LNX1: variants seen among roughly 807,000 people sequenced by gnomAD.
LNX1 encodes the protein E3 ubiquitin-protein ligase LNX.
In LNX1, 54 loss-of-function variants were observed where a neutral mutation model predicts 68.4. The observed-to-expected ratio is 0.79, with a 90% CI of 0.63 to 0.99. LNX1 has a LOEUF of 0.99. Ranked by LOEUF, LNX1 falls within the 50% of genes least tolerant of loss-of-function variation. The pLI is 0.00. For synonymous variants in LNX1, 336 were observed against 350.0 expected, an observed-to-expected ratio of 0.96 and a Z score of 0.45; for missense variants, 906 against 926.4, an observed-to-expected ratio of 0.98 and a Z score of 0.29.
chr4:53,543,846 C>T (rs903314223), intron 2 of LNX1, among the ~76,000 whole-genome samples: 1 of 152,072 alleles, frequency 6.6e-6, no homozygotes, highest in African/African-American at 2.4e-5. Flanking sequence ...AAACAAATCT[C>T]CATGATGCTT....
chr4:53,561,156 T>C (rs1730259619), intron 2 of LNX1, among the ~76,000 whole-genome samples: 1 of 152,216 alleles, frequency 6.6e-6, no homozygotes, highest in African/African-American at 2.4e-5. Flanking sequence ...TATTATGAGA[T>C]GCTTAGTCTG....
At chr4:53,592,625 C>A (rs1364321530), upstream of LNX1, among the ~76,000 whole-genome samples, 1 of 152,180 alleles carries the variant, frequency 6.6e-6, no homozygotes, top group African/African-American at 2.4e-5. Context: ...GTTGACATTC[C>A]TATTTTCCTC....
chr4:53,576,748 C>T (rs1349657702), intron 1 of LNX1, among the ~76,000 whole-genome samples: 3 of 152,152 alleles, frequency 2.0e-5, no homozygotes, highest in Non-Finnish European at 2.9e-5. Context: ...TAAAGACACA[C>T]GAATAACCTA....
upstream of LNX1, among the ~76,000 whole-genome samples, chr4:53,619,416 T>G (rs746905166): frequency 2.6e-5 from 4 of 152,222 alleles, no homozygotes; most frequent in African/African-American, 4.8e-5. Context: ...ATTTGCCTAT[T>G]TTGGACATTT....
chr4:53,577,100 T>G (rs1243940995), intron 1 of LNX1, among the ~76,000 whole-genome samples: 1 of 152,218 alleles, frequency 6.6e-6, no homozygotes, highest in Non-Finnish European at 1.5e-5. Context: ...AATCTGTATC[T>G]ATGCAGCTGC....
intron 2 of LNX1, among the ~76,000 whole-genome samples, chr4:53,567,064 C>A (rs1730749120): frequency 6.7e-6 from 1 of 148,222 alleles, no homozygotes; most frequent in Admixed American, 6.7e-5. Context: ...TAACACCCCA[C>A]TGTCAACATT....
chr4:53,487,942 C>T (rs1168349031), intron 6 of LNX1, among the ~76,000 whole-genome samples: 1 of 152,120 alleles, frequency 6.6e-6, no homozygotes, highest in Non-Finnish European at 1.5e-5. Context: ...TCTGTGGTTG[C>T]CCCATTTTAG....
intron 1 of LNX1, among the ~76,000 whole-genome samples, chr4:53,630,965 G>C (rs1734245852): frequency 6.6e-6 from 1 of 152,242 alleles, no homozygotes; most frequent in African/African-American, 2.4e-5. Context: ...GGGCTTACCT[G>C]GTTGCAGAGG....
chr4:53,616,971 T>C (rs111254217), intron 1 of LNX1, among the ~76,000 whole-genome samples: 2,889 of 152,268 alleles, frequency 0.019, 84 homozygotes, highest in African/African-American at 0.066. Context: ...GCTACAATCG[T>C]CAAAGCTTTT....
At position 53,608,781 on chromosome 4, in the gene LNX1, TAA is replaced by T. The variant is rs755854451; in HGVS notation, c.-215+7734_-215+7735del. 1.6e-4 allele frequency among the ~76,000 whole-genome samples: 24 copies of T among 152,140 alleles called. No individual in the cohort carries two copies. In the East Asian group the frequency reaches 2.3e-3, roughly 15 times the overall value. On this transcript the variant is annotated intron_variant, in intron 2 of 3. Transcript: ENST00000504299. ...TTCACCACAGAATACTATGCAGCCA[TAA>T]AAAGAATGAGATCATGTTCTTTGCA...
chr4:53,527,179 T>A (rs1012733228), intron 2 of LNX1, among the ~76,000 whole-genome samples: 4 of 152,002 alleles, frequency 2.6e-5, no homozygotes, highest in Non-Finnish European at 5.9e-5. Context: ...AGCACCAACA[T>A]CAGTTTCTTC....
intron 2 of LNX1, among the ~76,000 whole-genome samples, chr4:53,607,216 T>C (rs1733269055): frequency 6.6e-6 from 1 of 152,194 alleles, no homozygotes; most frequent in African/African-American, 2.4e-5. Flanking sequence ...GAAAATTCCA[T>C]AGTCTTTGCC....
chr4:53,632,922 A>G (rs897992392), intron 1 of LNX1, among the ~76,000 whole-genome samples: 7 of 152,214 alleles, frequency 4.6e-5, no homozygotes, highest in Non-Finnish European at 8.8e-5. Flanking sequence ...ACACTTCCTC[A>G]AGATATATCC....
In LNX1 at chr4:53,461,066, T is replaced by TG; in HGVS notation, c.2052-25_2052-24insC. 3.9e-6 allele frequency: 6 copies of TG among 1,538,958 alleles called. No individual in the cohort carries two copies. The Middle Eastern group carries it at 5.2e-4, about 133-fold the overall frequency. ...ATCTAAAAAAAAAAACAAAACAAGATATGATTAGTATTTTAATTCGTTGCT... is the reference window on the plus strand; with the variant it reads ...ATCTAAAAAAAAAAACAAAACAAGATGATGATTAGTATTTTAATTCGTTGCT... On this transcript the variant is annotated intron_variant, in intron 10 of 10. Coordinates refer to ENST00000263925, the MANE Select transcript of LNX1 (RefSeq NM_001126328.3).
chr4:53,558,877 G>A (rs550154491), intron 2 of LNX1, among the ~76,000 whole-genome samples: 79 of 152,280 alleles, frequency 5.2e-4, no homozygotes, highest in African/African-American at 1.9e-3. Flanking sequence ...CAGGGACTGG[G>A]CCACATCCCC....
intron 2 of LNX1, among the ~76,000 whole-genome samples, chr4:53,509,112 T>A (rs536317324): frequency 6.6e-6 from 1 of 152,320 alleles, no homozygotes; most frequent in Admixed American, 6.5e-5. Flanking sequence ...CGGCAAGTCA[T>A]TGCAGCGCAC....
Position 53,459,941 on chromosome 4 carries a change from T to G in LNX1, c.*966A>C, listed in dbSNP as rs1462235620. ...ACTCATACATTTTTGATATCACAAC[T>G]TTTTGATGGCTTTTCAATATTCTAA... On this transcript the variant is annotated 3_prime_UTR_variant, in exon 11 of 11. Transcript: ENST00000263925. The G allele has an allele frequency of 4.6e-6, 1 of 217,016 alleles. No homozygotes were observed. The highest frequency in any genetic ancestry group is 9.3e-6 in the Non-Finnish European group (1 of 107,906). The allele number at this position is 217,016 out of a possible 1,614,324, so 13.4% of individuals were successfully genotyped here.
At chr4:53,560,919 A>T (rs1486998566) in intron 2 of LNX1, among the ~76,000 whole-genome samples, 2 of 152,242 alleles carry the variant, frequency 1.3e-5, no homozygotes, top group African/African-American at 2.4e-5. Flanking sequence ...TCAAATGAAC[A>T]GAGATTGCTC....
intron 1 of LNX1, among the ~76,000 whole-genome samples, chr4:53,623,819 C>A (rs1560697891): frequency 6.6e-6 from 1 of 152,008 alleles, no homozygotes; most frequent in Non-Finnish European, 1.5e-5. Context: ...AAGCCTAGAA[C>A]AATTAAATAG....
Sources: gnomAD v4.1 joint callset for allele counts (sites outside exome capture counted in the v4.1 genomes callset) on GRCh38, gnomAD v4.1.1 for gene constraint, MANE v1.5 for transcripts, NCBI Gene and HGNC (gene_info 2026-07-23, HGNC 2026-07-21) for gene names.